Variants in MFN1 observed in about 807,000 individuals in gnomAD.
MFN1 encodes the protein mitofusin-1.
MFN1 carries 65 observed loss-of-function variants against 92.4 expected under a neutral mutation model. That is an observed-to-expected ratio of 0.70 (90% CI 0.58 to 0.86). The LOEUF is 0.86. Among genes scored for constraint, MFN1 ranks in the 40% least tolerant of loss-of-function variants. The pLI is 0.00. For synonymous variants in MFN1, 297 were observed against 300.9 expected (o/e 0.99, Z 0.13); for missense variants, 781 against 868.0 (o/e 0.90, Z 1.26).
Position 179,362,339 on chromosome 3 carries a change from T to C in MFN1, c.412-19T>C. 6.4e-7 allele frequency: 1 copy of C among 1,557,020 alleles called. No homozygotes were observed. The highest frequency in any genetic ancestry group is 8.7e-7 in the Non-Finnish European group (1 of 1,155,974). On this transcript the variant is annotated intron_variant, in intron 4 of 17. Coordinates refer to ENST00000471841, the MANE Select transcript of MFN1 (RefSeq NM_033540.3). The stretch of plus-strand genomic sequence containing the variant: ...TTATTACAAGTGGAGTTTATTTTTT[T>C]CTTTTCCTCCTGCTTTAGACAGTTA...
At chr3:179,368,281 G>C (rs2108538631) in intron 9 of MFN1, among the ~76,000 whole-genome samples, 178 bp downstream of exon 9, 1 of 152,180 alleles carries the variant, frequency 6.6e-6, no homozygotes. Context: ...AAAATGATTT[G>C]TAAGAATTGA....
chr3:179,351,800 T>A, intron 2 of MFN1, 100 bp from the exon 3 acceptor site: 4 of 1,198,130 alleles, frequency 3.3e-6, no homozygotes, highest in Non-Finnish European at 4.6e-6. Context: ...GGGTGGCATG[T>A]TAACATAAAG....
At chr3:179,358,153 T>TTTTG (rs2108528030) in intron 3 of MFN1, among the ~76,000 whole-genome samples, 1 of 144,778 alleles carries the variant, frequency 6.9e-6, no homozygotes, top group African/African-American at 2.7e-5. Flanking sequence ...TCATTTTGTT[T>TTTTG]TTTTTTTTTT....
chr3:179,382,377 G>A (rs375048507), intron 14 of MFN1, among the ~76,000 whole-genome samples: 10 of 152,064 alleles, frequency 6.6e-5, no homozygotes, highest in Non-Finnish European at 1.3e-4. Flanking sequence ...CAGCTTCATC[G>A]ATGTCCCTAC....
At chr3:179,366,702 ATCAC>A in intron 7 of MFN1, among the ~76,000 whole-genome samples, 1 of 152,346 alleles carries the variant, frequency 6.6e-6, no homozygotes, top group East Asian at 1.9e-4. Context: ...ATTAGGAAGC[ATCAC>A]TCATAAATTA....
Position 179,385,568 on chromosome 3 carries a change from G to A in MFN1, c.1663-1G>A. 1 of 1,545,264 alleles carries A rather than the reference G, an allele frequency of 6.5e-7. No homozygotes were observed. Among genetic ancestry groups the A allele is most frequent in the Non-Finnish European group, 8.7e-7 (1 of 1,155,366 alleles). On this transcript the variant is annotated splice_acceptor_variant, in intron 14 of 17. Transcript: ENST00000471841. LOFTEE classifies it high-confidence loss of function. ...TTTTCCTTTCTCTTTTTTTTTGGCA[G>A]CTCCCTAGATCTTTAGCTTCTACTC...
intron 17 of MFN1, among the ~76,000 whole-genome samples, chr3:179,390,593 TTCATTA>T (rs1244812482): frequency 2.0e-5 from 3 of 152,200 alleles, no homozygotes; most frequent in African/African-American, 7.2e-5. Flanking sequence ...TTTGATATGA[TTCATTA>T]TATATTATTT....
At position 179,390,173 on chromosome 3, in the gene MFN1, T is replaced by C. The variant is rs761700742; in HGVS notation, c.2147+35T>C. The C allele has an allele frequency of 3.4e-6, 5 of 1,465,536 alleles. No individual in the cohort carries two copies. The Admixed American group carries it at 8.0e-5, about 24-fold the overall frequency. The allele number at this position is 1,465,536 out of a possible 1,614,324, so 90.8% of individuals were successfully genotyped here. ...CCTTTCTTCTCAATAATTTGAACAT[T>C]TACTGGTCTCATTACAAAATATGTA... is the stretch of plus-strand genomic sequence containing the variant. On this transcript the variant is annotated intron_variant, in intron 17 of 17. Transcript: ENST00000471841.
intron 3 of MFN1, among the ~76,000 whole-genome samples, chr3:179,357,389 A>G (rs1712387012): frequency 6.6e-6 from 1 of 152,156 alleles, no homozygotes; most frequent in African/African-American, 2.4e-5. Context: ...AGGCTTCATG[A>G]AATGTCCAGA....
intron 3 of MFN1, among the ~76,000 whole-genome samples, chr3:179,357,763 C>T (rs1036133879): frequency 1.3e-5 from 2 of 152,118 alleles, no homozygotes; most frequent in African/African-American, 4.8e-5. Context: ...ACTTAACAGC[C>T]ATTTTATTAT....
chr3:179,382,996 A>C (rs1280819352), intron 14 of MFN1, among the ~76,000 whole-genome samples: 2 of 152,016 alleles, frequency 1.3e-5, no homozygotes, highest in East Asian at 3.9e-4. Flanking sequence ...AGATTGCAAA[A>C]ATTTTCTCCC....
At chr3:179,383,777 C>G (rs1282753538) in intron 14 of MFN1, among the ~76,000 whole-genome samples, 1 of 152,066 alleles carries the variant, frequency 6.6e-6, no homozygotes, top group African/African-American at 2.4e-5. Flanking sequence ...ATCCAACTTA[C>G]AAAGGATGTG....
Position 179,377,461 on chromosome 3 carries a change from A to G in MFN1, c.1329+13A>G, listed in dbSNP as rs1187151620. The G allele has an allele frequency of 2.1e-6, 3 of 1,441,054 alleles. No individual in the cohort carries two copies. The highest frequency in any genetic ancestry group is 1.9e-5 in the Admixed American group (1 of 52,796). 89.3% of individuals were successfully genotyped at this position (1,441,054 alleles called of 1,614,324 possible). A position where few individuals can be genotyped will look rare whatever the true frequency, so the allele number is the denominator to read the frequency against. On this transcript the variant is annotated intron_variant, in intron 12 of 17. Transcript: ENST00000471841. ...AATATATAAAAGTGTAAGTTAAAGT[A>G]TAGATAAAATTATTCAGAGACAGTT...
intron 16 of MFN1, 60 bp from the exon 17 acceptor site, chr3:179,389,944 A>G: frequency 1.4e-6 from 2 of 1,467,826 alleles, no homozygotes; most frequent in Non-Finnish European, 1.8e-6. Context: ...TGTGAGCTTT[A>G]AATTAAAGCT....
At chr3:179,364,650 T>G (rs548507911) in intron 6 of MFN1, among the ~76,000 whole-genome samples, 1 of 152,302 alleles carries the variant, frequency 6.6e-6, no homozygotes, top group East Asian at 1.9e-4. Context: ...TATTTGTCAG[T>G]CTCAGGGAAA....
chr3:179,354,293 A>G (rs1712264591), intron 3 of MFN1, among the ~76,000 whole-genome samples: 1 of 152,236 alleles, frequency 6.6e-6, no homozygotes, highest in South Asian at 2.1e-4. Context: ...TGGAGAACTC[A>G]AGTAGTTGAA....
intron 9 of MFN1, among the ~76,000 whole-genome samples, chr3:179,368,891 G>A (rs1248862280): frequency 6.6e-6 from 1 of 152,168 alleles, no homozygotes; most frequent in Admixed American, 6.5e-5. Context: ...ATTCTTATAA[G>A]TAGTAACTGC....
At chr3:179,376,924 G>GTT in intron 10 of MFN1, 118 bp from the exon 11 acceptor site, 24 of 848,678 alleles carry the variant, frequency 2.8e-5, no homozygotes, top group East Asian at 9.0e-5. Flanking sequence ...GATGTTACAA[G>GTT]TTTTTTTTTT....
At chr3:179,354,585 C>T (rs905211042) in intron 3 of MFN1, among the ~76,000 whole-genome samples, 3 of 152,026 alleles carry the variant, frequency 2.0e-5, no homozygotes, top group East Asian at 1.9e-4. Flanking sequence ...GAAGGAATTC[C>T]GGATGGGTCC....
Sources: allele counts gnomAD v4.1 joint callset (sites outside exome capture counted in the v4.1 genomes callset), GRCh38; gene constraint gnomAD v4.1.1; transcripts MANE v1.5; gene names NCBI Gene and HGNC (gene_info 2026-07-23, HGNC 2026-07-21).